ST6GAL2: variants seen among roughly 807,000 people sequenced by gnomAD.
The protein encoded by ST6GAL2 is beta-galactoside alpha-2,6-sialyltransferase 2.
In ST6GAL2, 24 loss-of-function variants were observed where a neutral mutation model predicts 37.5. That is an observed-to-expected ratio of 0.64 (90% confidence interval 0.46 to 0.90). The LOEUF (loss-of-function observed/expected upper bound fraction) is 0.90, where lower values mean the gene tolerates loss of function less well. ST6GAL2 is among the 40% of genes least tolerant of loss of function. The pLI is 0.00. For missense variants in ST6GAL2, 715 were observed against 712.7 expected, an observed-to-expected ratio of 1.00 and a Z score of -0.04; for synonymous variants, 306 against 295.1, an observed-to-expected ratio of 1.04 and a Z score of -0.38.
intron 5 of ST6GAL2, among the ~76,000 whole-genome samples, chr2:106,807,358 C>G (rs560692899): frequency 1.3e-5 from 2 of 152,028 alleles, no homozygotes; most frequent in African/African-American, 4.8e-5. Context: ...TCCAAAGAAA[C>G]AAATGCCATA....
At chr2:106,862,820 C>T (rs1460179408) in intron 1 of ST6GAL2, among the ~76,000 whole-genome samples, 1 of 152,104 alleles carries the variant, frequency 6.6e-6, no homozygotes, top group Non-Finnish European at 1.5e-5. Flanking sequence ...CATTTCTAGA[C>T]AGGGACAGGG....
intron 5 of ST6GAL2, chr2:106,823,261 T>C (rs910611747): frequency 1.3e-5 from 2 of 152,008 alleles, no homozygotes; most frequent in Non-Finnish European, 2.9e-5. Context: ...AATGCACAGA[T>C]CTTACAGCAC....
intron 5 of ST6GAL2, among the ~76,000 whole-genome samples, chr2:106,814,974 T>C (rs1675748222): frequency 6.6e-6 from 1 of 152,236 alleles, no homozygotes; most frequent in African/African-American, 2.4e-5. Flanking sequence ...GGAGAAGTTG[T>C]TCCAAAGAAA....
In ST6GAL2 at chr2:106,843,254, GCTT is replaced by G. The variant is rs1558700190; in HGVS notation, c.721_723del (p.Lys241del). The stretch of plus-strand genomic sequence containing the variant: ...TGTGCCCTGCTCAGCCCGGCCTCCC[GCTT>G]CCCGCGGAAGCGCACCCCGTGCTTG... On this transcript the variant is annotated inframe_deletion, in exon 2 of 6. Coordinates refer to ENST00000409382, the MANE Select transcript of ST6GAL2 (RefSeq NM_001142351.2). 6.3e-7 allele frequency: 1 copy of G among 1,595,372 alleles called. No homozygotes were observed. Among genetic ancestry groups the G allele is most frequent in the Admixed American group, 1.8e-5 (1 of 56,684 alleles).
intron 1 of ST6GAL2, among the ~76,000 whole-genome samples, chr2:106,884,830 A>T (rs1235733723): frequency 1.3e-5 from 2 of 149,898 alleles, no homozygotes; most frequent in Admixed American, 6.7e-5. Flanking sequence ...TGGGGGAAGG[A>T]GAGTGGGTAA....
intron 5 of ST6GAL2, among the ~76,000 whole-genome samples, chr2:106,808,724 T>G (rs1413307698): frequency 6.6e-6 from 1 of 152,160 alleles, no homozygotes; most frequent in African/African-American, 2.4e-5. Flanking sequence ...CTCAAACATT[T>G]TTTCTCCCCT....
intron 5 of ST6GAL2, among the ~76,000 whole-genome samples, chr2:106,811,751 C>T (rs896174490): frequency 6.6e-6 from 1 of 152,162 alleles, no homozygotes; most frequent in Non-Finnish European, 1.5e-5. Flanking sequence ...AACTCTGAGT[C>T]ACCACCATTA....
At chr2:106,851,173 G>T (rs937177234) in intron 1 of ST6GAL2, among the ~76,000 whole-genome samples, 4 of 152,166 alleles carry the variant, frequency 2.6e-5, no homozygotes, top group African/African-American at 9.7e-5. Context: ...TGCCTATTTG[G>T]ACTACTTTTT....
rs368996818 is a variant in ST6GAL2 at position 106,867,032 on chromosome 2, T to C, written c.-58+19061A>G. On this transcript the variant is annotated intron_variant, in intron 1 of 5. Transcript: ENST00000409382. Reference sequence around the variant, plus strand: ...TTTTCTTTACTTGGAACATTAAAAATACTGTGACAATTCAAGAGGCAAGGA... The same window carrying C: ...TTTTCTTTACTTGGAACATTAAAAACACTGTGACAATTCAAGAGGCAAGGA... Among the ~76,000 whole-genome samples the C allele has an allele frequency of 6.6e-5, 10 of 152,240 alleles. No individual in the cohort carries two copies. In the South Asian group the frequency reaches 1.0e-3, roughly 16 times the overall value.
In ST6GAL2 at chr2:106,801,639, A is replaced by T. The variant is rs1339950274; in HGVS notation, c.*5039T>A. On this transcript the variant is annotated 3_prime_UTR_variant, in exon 6 of 6. Coordinates refer to ENST00000409382, the MANE Select transcript of ST6GAL2 (RefSeq NM_001142351.2). The stretch of plus-strand genomic sequence containing the variant: ...AAACATGTTTTATTTACAAGAAAAA[A>T]GTCTGTACATTGTGTATACATAAAA... The T allele has an allele frequency of 3.3e-5, 5 of 152,266 alleles. No homozygotes were observed. 9.4% of individuals were successfully genotyped at this position (152,266 alleles called of 1,614,324 possible).
chr2:106,875,655 T>C (rs1678472795), intron 1 of ST6GAL2, among the ~76,000 whole-genome samples: 2 of 152,232 alleles, frequency 1.3e-5, no homozygotes, highest in African/African-American at 4.8e-5. Flanking sequence ...AGAATTTCTG[T>C]ATAAGAACAA....
At chr2:106,830,729 A>C (rs1364949196) in intron 4 of ST6GAL2, among the ~76,000 whole-genome samples, 2 of 152,198 alleles carry the variant, frequency 1.3e-5, no homozygotes, top group East Asian at 3.9e-4. Flanking sequence ...TGTATTTCAA[A>C]TATGAGTTTT....
intron 5 of ST6GAL2, among the ~76,000 whole-genome samples, chr2:106,818,651 A>G (rs1394853725): frequency 6.6e-6 from 1 of 152,190 alleles, no homozygotes; most frequent in Non-Finnish European, 1.5e-5. Context: ...TGAAGACTAC[A>G]ATAATACCTA....
intron 1 of ST6GAL2, among the ~76,000 whole-genome samples, chr2:106,879,955 T>C (rs182694195): frequency 1.6e-3 from 243 of 148,550 alleles, no homozygotes; most frequent in Non-Finnish European, 3.3e-3. Flanking sequence ...TATATACATA[T>C]AGACCAATTA....
intron 5 of ST6GAL2, among the ~76,000 whole-genome samples, chr2:106,820,227 C>T (rs1597138): frequency 0.12 from 18,379 of 151,970 alleles, 1,638 homozygotes; most frequent in East Asian, 0.49. Flanking sequence ...ACAAGAAACA[C>T]ACTTCACCAA....
At chr2:106,873,816 A>T (rs1454800370) in intron 1 of ST6GAL2, among the ~76,000 whole-genome samples, 1 of 152,230 alleles carries the variant, frequency 6.6e-6, no homozygotes, top group Non-Finnish European at 1.5e-5. Context: ...GCAACTCTGA[A>T]GTATAAGACA....
At chr2:106,819,973 T>C (rs1425875499) in intron 5 of ST6GAL2, among the ~76,000 whole-genome samples, 1 of 151,636 alleles carries the variant, frequency 6.6e-6, no homozygotes, top group Admixed American at 6.6e-5. Flanking sequence ...ACACAACAGG[T>C]ACACAAAAAG....
chr2:106,814,351 T>C (rs952231529), intron 5 of ST6GAL2, among the ~76,000 whole-genome samples: 1 of 152,116 alleles, frequency 6.6e-6, no homozygotes, highest in Non-Finnish European at 1.5e-5. Context: ...AAAGCCAATA[T>C]AAAATGGAAA....
At chr2:106,826,849 T>C (rs1676227060) in intron 5 of ST6GAL2, among the ~76,000 whole-genome samples, 1 of 152,188 alleles carries the variant, frequency 6.6e-6, no homozygotes, top group Non-Finnish European at 1.5e-5. Context: ...TATGTGTATA[T>C]ACATGTATCT....
Sources: allele counts gnomAD v4.1 joint callset (sites outside exome capture counted in the v4.1 genomes callset), GRCh38; gene constraint gnomAD v4.1.1; transcripts MANE v1.5; gene names NCBI Gene and HGNC (gene_info 2026-07-23, HGNC 2026-07-21).